Variants in SMPD4 observed in about 807,000 individuals in gnomAD.
SMPD4 encodes neutral sphingomyelinase 3.
A neutral mutation model predicts 97.8 loss-of-function variants in SMPD4; 58 were observed. The observed-to-expected ratio is 0.59, with a 90% CI of 0.48 to 0.74. The LOEUF is 0.74. Ranked by LOEUF, SMPD4 falls within the 30% of genes least tolerant of loss-of-function variation. SMPD4 has a pLI of 0.00. For missense variants in SMPD4, 853 were observed against 1,080.5 expected, an observed-to-expected ratio of 0.79 and a Z score of 2.95; for synonymous variants, 388 against 450.0, an observed-to-expected ratio of 0.86 and a Z score of 1.74.
At chr2:130,169,168 A>G (rs561732243) in intron 8 of SMPD4, among the ~76,000 whole-genome samples, 5 of 152,358 alleles carry the variant, frequency 3.3e-5, no homozygotes, top group Admixed American at 6.5e-5. Context: ...TGCTGGGCCT[A>G]GTCACCAGCA....
At chr2:130,163,191 C>A (rs942939757) in intron 10 of SMPD4, among the ~76,000 whole-genome samples, 1 of 152,260 alleles carries the variant, frequency 6.6e-6, no homozygotes, top group Admixed American at 6.5e-5. Context: ...CAGAGCCCCA[C>A]GGGAGGAGCA....
Position 130,156,093 on chromosome 2 carries a change from C to T in SMPD4, c.1231G>A (p.Ala411Thr), listed in dbSNP as rs376043708. The T allele has an allele frequency of 1.6e-5, 26 of 1,611,198 alleles. No homozygotes were observed. The East Asian group carries it at 3.1e-4, about 19-fold the overall frequency. ...WLSYLQPWRY[A>T]PDKQAPGSDS... ...CTGCCCGGAGCCTGCTTGTCAGGCG[C>T]GTACCGCCACGGCTGCAGGTAGCTC... Residue 411 changes from alanine to threonine, a missense_variant, in exon 14 of 20, where the codon GCG becomes ACG. By Grantham distance (58) the Ala-to-Thr change is moderately conservative (BLOSUM62 0). Coordinates refer to ENST00000680298, the MANE Select transcript of SMPD4 (RefSeq NM_017951.5).
At chr2:130,178,675 G>A (rs1304880022) in intron 1 of SMPD4, among the ~76,000 whole-genome samples, 2 of 151,902 alleles carry the variant, frequency 1.3e-5, no homozygotes, top group African/African-American at 4.8e-5. Context: ...GGCACCTGTA[G>A]TCCCAGCAAC....
chr2:130,156,442 A>T (rs1438347539), intron 13 of SMPD4, 143 bp downstream of exon 13: 3 of 853,410 alleles, frequency 3.5e-6, no homozygotes, highest in Non-Finnish European at 5.5e-6. Context: ...TCAAACAGAA[A>T]GAACAATGTG....
chr2:130,173,252 C>A (rs1452085569), intron 5 of SMPD4, 27 bp downstream of exon 5: 2 of 1,610,340 alleles, frequency 1.2e-6, no homozygotes, highest in Non-Finnish European at 1.7e-6. Context: ...GCCCCGAGCA[C>A]CACTCTCGCC....
chr2:130,156,914 C>T (rs1686860650), intron 12 of SMPD4: 1 of 1,145,462 alleles, frequency 8.7e-7, no homozygotes, highest in African/African-American at 1.5e-5. Flanking sequence ...CACACCTCAC[C>T]CTCCGTCCCA....
chr2:130,163,396 C>A (rs1016544887), intron 10 of SMPD4, among the ~76,000 whole-genome samples: 1 of 152,240 alleles, frequency 6.6e-6, no homozygotes, highest in African/African-American at 2.4e-5. Flanking sequence ...AGAGCCTCCA[C>A]ATGGCAAAGC....
chr2:130,172,005 T>C (rs78308179), intron 8 of SMPD4, among the ~76,000 whole-genome samples: 1 of 152,060 alleles, frequency 6.6e-6, no homozygotes. Flanking sequence ...GAGATTCCTA[T>C]TTTTTTTGCT....
intron 3 of SMPD4, 111 bp from the exon 4 acceptor site, chr2:130,173,767 T>TG: frequency 7.0e-7 from 1 of 1,436,648 alleles, no homozygotes; most frequent in Non-Finnish European, 9.6e-7. Flanking sequence ...ACTCCCTGGC[T>TG]AAGACCTATG....
Position 130,181,538 on chromosome 2 carries a change from T to C in SMPD4, c.-54A>G, listed in dbSNP as rs762871176. ...CATCCCGCGCCACTCACCTGTGGGA[T>C]CCATAGCGTCGCTCGCCTCAGAGAT... On this transcript the variant is annotated 5_prime_UTR_variant, in exon 1 of 20. Transcript: ENST00000680298. The C allele has an allele frequency of 8.1e-6, 13 of 1,604,964 alleles. No homozygotes were observed. The highest frequency in any genetic ancestry group is 1.7e-5 in the Admixed American group (1 of 59,062).
rs369929768 is a variant in SMPD4, at chr2:130,154,782, C to A, written c.1454-300G>T. 5.2e-3 allele frequency: 3,060 copies of A among 587,522 alleles called. 130 individuals carry two copies. The South Asian group carries it at 0.057, about 11-fold the overall frequency. 36.4% of individuals were successfully genotyped at this position (587,522 alleles called of 1,614,324 possible). On this transcript the variant is annotated intron_variant, in intron 15 of 19. Coordinates refer to ENST00000680298, the MANE Select transcript of SMPD4 (RefSeq NM_017951.5). ...AATGCAAGGCAGAGACCAGGCTCAC[C>A]TCCTGAAGCGGCCAACACGAGTTGC... is the stretch of plus-strand genomic sequence containing the variant.
At chr2:130,154,111 C>G in intron 16 of SMPD4, 166 bp downstream of exon 16, 4 of 1,126,120 alleles carry the variant, frequency 3.6e-6, no homozygotes, top group Non-Finnish European at 5.0e-6. Flanking sequence ...GAAACACTGC[C>G]TTCGTTATCA....
At chr2:130,173,858 A>G (rs984021726) in intron 3 of SMPD4, among the ~76,000 whole-genome samples, 7 of 152,134 alleles carry the variant, frequency 4.6e-5, no homozygotes, top group Non-Finnish European at 8.8e-5. Flanking sequence ...AGTGGGGTAC[A>G]TGGCATACCA....
At chr2:130,172,239 A>C in intron 8 of SMPD4, 110 bp downstream of exon 8, 5 of 1,271,756 alleles carry the variant, frequency 3.9e-6, no homozygotes, top group Non-Finnish European at 5.3e-6. Flanking sequence ...AGGCATAAGA[A>C]AAATTGGGGA....
intron 11 of SMPD4, chr2:130,158,253 G>A (rs1176798449): frequency 2.3e-6 from 3 of 1,288,654 alleles, no homozygotes; most frequent in Non-Finnish European, 3.0e-6. Flanking sequence ...CACTTCCTCT[G>A]TTGCCCAGGG....
chr2:130,167,423 G>A lies in SMPD4; in HGVS notation c.792+35C>T. Reference sequence around the variant, plus strand: ...AGGCACGAGCCACCATGCCCAGCTGGCTGAACAGTTTCTTTTGACCAGCTC... The same window carrying A: ...AGGCACGAGCCACCATGCCCAGCTGACTGAACAGTTTCTTTTGACCAGCTC... On this transcript the variant is annotated intron_variant, in intron 9 of 19. Coordinates refer to ENST00000680298, the MANE Select transcript of SMPD4 (RefSeq NM_017951.5). The A allele has an allele frequency of 3.1e-6, 5 of 1,611,700 alleles. No individual in the cohort carries two copies. The African/African-American group carries it at 4.0e-5, about 13-fold the overall frequency.
intron 1 of SMPD4, among the ~76,000 whole-genome samples, chr2:130,180,127 C>T (rs1407265106): frequency 2.0e-5 from 3 of 150,810 alleles, no homozygotes; most frequent in Non-Finnish European, 4.4e-5. Flanking sequence ...CCACGCCCGG[C>T]TAATTGTTTT....
chr2:130,179,168 G>C (rs1361782088), intron 1 of SMPD4, among the ~76,000 whole-genome samples: 3 of 149,032 alleles, frequency 2.0e-5, no homozygotes, highest in Non-Finnish European at 3.0e-5. Context: ...CTGTTGCCCA[G>C]GCTAGAGTCC....
chr2:130,157,632 A>G (rs1686948795), intron 11 of SMPD4: 1 of 777,098 alleles, frequency 1.3e-6, no homozygotes, highest in Non-Finnish European at 2.0e-6. Flanking sequence ...TGCTTGGCCC[A>G]GCGCCCACAC....
Sources: gnomAD v4.1 joint callset for allele counts (sites outside exome capture counted in the v4.1 genomes callset) on GRCh38, gnomAD v4.1.1 for gene constraint, MANE v1.5 for transcripts, NCBI Gene and HGNC (gene_info 2026-07-23, HGNC 2026-07-21) for gene names.